EFR3B: variants seen among roughly 807,000 people sequenced by gnomAD.
EFR3B encodes protein EFR3 homolog B.
A neutral mutation model predicts 104.7 loss-of-function variants in EFR3B; 64 were observed. The ratio of observed to expected loss-of-function variants is 0.61; its 90% CI spans 0.50 to 0.75. The LOEUF (loss-of-function observed/expected upper bound fraction) is 0.75. EFR3B is among the 30% of genes least tolerant of loss of function. The probability of loss-of-function intolerance (pLI) is 0.00; values close to 1 mark genes in which losing one functional copy is unlikely to be tolerated. For missense variants in EFR3B, 750 were observed against 1,078.5 expected (o/e 0.70, Z 4.27); for synonymous variants, 385 against 417.9 (o/e 0.92, Z 0.96).
At chr2:25,141,232 C>T in intron 16 of EFR3B, 134 bp from the exon 17 acceptor site, 2 of 887,534 alleles carry the variant, frequency 2.3e-6, no homozygotes, top group Non-Finnish European at 1.6e-6. Flanking sequence ...CACTGAAAAG[C>T]TCAGCTGAGG....
chr2:25,138,952 G>A, intron 15 of EFR3B, 107 bp from the exon 16 acceptor site: 6 of 1,448,986 alleles, frequency 4.1e-6, no homozygotes, highest in Middle Eastern at 1.9e-4. Context: ...CTTAGTCTAG[G>A]AAAGCAAGCA....
At chr2:25,110,637 AAC>A (rs577690455) in intron 4 of EFR3B, among the ~76,000 whole-genome samples, 29 of 152,244 alleles carry the variant, frequency 1.9e-4, no homozygotes, top group Non-Finnish European at 3.4e-4. Flanking sequence ...CCTCAATCTA[AAC>A]ACAAGTTCAA....
intron 4 of EFR3B, among the ~76,000 whole-genome samples, chr2:25,107,760 C>T (rs2149193755): frequency 6.6e-6 from 1 of 152,006 alleles, no homozygotes; most frequent in South Asian, 2.1e-4. Context: ...GCTAATACCA[C>T]TCCTGTACAG....
At position 25,042,544 on chromosome 2, in the gene EFR3B, G is replaced by A. The variant is rs926607552; in HGVS notation, c.7+225G>A. On this transcript the variant is annotated intron_variant, in intron 1 of 22. Transcript: ENST00000403714. This position sits in a 1 kb window ranked among gnomAD's most constrained non-coding sequence, Gnocchi z 5.4. The stretch of plus-strand genomic sequence containing the variant: ...TCCTCTCCAGGCCCGGCGCGTGCCG[G>A]TGCTGGGCGGTGGTCCTTCGGGGGG... 53 of 1,206,252 alleles carry A rather than the reference G, an allele frequency of 4.4e-5. No homozygotes were observed. The highest frequency in any genetic ancestry group is 3.2e-4 in the Middle Eastern group (1 of 3,094). 74.7% of individuals were successfully genotyped at this position (1,206,252 alleles called of 1,614,324 possible).
At chr2:25,133,318 G>C (rs1670433339) in intron 11 of EFR3B, 65 bp from the exon 12 acceptor site, 1 of 1,490,296 alleles carries the variant, frequency 6.7e-7, no homozygotes, top group African/African-American at 1.4e-5. Context: ...GTAGAACTAA[G>C]CTGGCAAGTG....
chr2:25,155,272 G>A lies in EFR3B; in HGVS notation c.*932G>A, dbSNP rs1397407472. 4 of 152,346 alleles carry A rather than the reference G, an allele frequency of 2.6e-5. No individual in the cohort carries two copies. The East Asian group carries it at 7.7e-4, about 29-fold the overall frequency. The allele number at this position is 152,346 out of a possible 1,614,324, so 9.4% of individuals were successfully genotyped here. A position where few individuals can be genotyped will look rare whatever the true frequency, so the allele number is the denominator to read the frequency against. ...AAAGGCTCCCAGCCTGACCTGGGTT[G>A]TAGGAGAGTGGGGAGGGTGGGATGA... On this transcript the variant is annotated 3_prime_UTR_variant, in exon 23 of 23. Coordinates refer to ENST00000403714, the MANE Select transcript of EFR3B (RefSeq NM_014971.2).
intron 4 of EFR3B, among the ~76,000 whole-genome samples, chr2:25,115,038 G>A (rs1449404332): frequency 1.3e-5 from 2 of 152,088 alleles, no homozygotes; most frequent in East Asian, 1.9e-4. Flanking sequence ...AAAATTAGCC[G>A]GACATTGTGG....
chr2:25,087,698 C>T (rs1205419942), intron 1 of EFR3B, among the ~76,000 whole-genome samples: 1 of 152,142 alleles, frequency 6.6e-6, no homozygotes. Context: ...GTCTCGAACT[C>T]CTGACCTCGA....
At chr2:25,082,297 G>A (rs1169791594) in intron 1 of EFR3B, among the ~76,000 whole-genome samples, 1 of 152,228 alleles carries the variant, frequency 6.6e-6, no homozygotes, top group African/African-American at 2.4e-5. Flanking sequence ...AGCCAGCTAA[G>A]GGGGTTGGGG....
At chr2:25,047,533 C>G (rs1285557248) in intron 1 of EFR3B, among the ~76,000 whole-genome samples, 1 of 152,118 alleles carries the variant, frequency 6.6e-6, no homozygotes, top group South Asian at 2.1e-4. Context: ...CAGTCTCACT[C>G]TGTTGCCCAG....
intron 1 of EFR3B, among the ~76,000 whole-genome samples, chr2:25,054,819 C>T (rs1360710638): frequency 2.0e-5 from 3 of 152,162 alleles, no homozygotes; most frequent in Non-Finnish European, 4.4e-5. Context: ...TGAGAGGGGA[C>T]AACCATGAAC....
At chr2:25,087,251 G>C (rs865777380) in intron 1 of EFR3B, among the ~76,000 whole-genome samples, 3 of 151,836 alleles carry the variant, frequency 2.0e-5, no homozygotes, top group Non-Finnish European at 1.5e-5. Flanking sequence ...TGACACGTGG[G>C]GATTATGAGA....
chr2:25,069,068 C>A (rs1223968118), intron 1 of EFR3B, among the ~76,000 whole-genome samples: 1 of 151,674 alleles, frequency 6.6e-6, no homozygotes, highest in Non-Finnish European at 1.5e-5. Context: ...CCACCACACC[C>A]AGCTAATTTT....
chr2:25,067,707 ATGTT>A (rs1471591984), intron 1 of EFR3B, among the ~76,000 whole-genome samples: 1 of 152,022 alleles, frequency 6.6e-6, no homozygotes, highest in African/African-American at 2.4e-5. Context: ...AATTAACAGT[ATGTT>A]TGAGAGCTGT....
rs1208109375 is a variant in EFR3B, at chr2:25,157,157, T to G, written c.*2817T>G. 6.6e-6 allele frequency: 1 copy of G among 152,244 alleles called. No individual in the cohort carries two copies. Among genetic ancestry groups the G allele is most frequent in the East Asian group, 1.9e-4 (1 of 5,204 alleles). 9.4% of individuals were successfully genotyped at this position (152,244 alleles called of 1,614,324 possible). ...TCCACCGGTCCCAGGCAGCTTTTCC[T>G]TTCCATCACTGCCGCTTAGCAAAAA... On this transcript the variant is annotated 3_prime_UTR_variant, in exon 23 of 23. Transcript: ENST00000403714.
intron 1 of EFR3B, among the ~76,000 whole-genome samples, chr2:25,047,304 C>G (rs1284217637): frequency 2.0e-5 from 3 of 152,064 alleles, no homozygotes; most frequent in African/African-American, 7.2e-5. Flanking sequence ...AAGAACCCCA[C>G]AGCCTGGGTC....
rs1670363902 is a variant in EFR3B, at chr2:25,132,196, G to C, written c.1147+285G>C. Among the ~76,000 whole-genome samples the C allele has an allele frequency of 5.9e-5, 9 of 152,326 alleles. No homozygotes were observed. In the South Asian group the frequency reaches 1.9e-3, roughly 32 times the overall value. Reference sequence around the variant, plus strand: ...ACGGACCTCGGAGAGAATGAAGTCGGGAAATGAAAGGACTGGCTGGGCAGG... The same window carrying C: ...ACGGACCTCGGAGAGAATGAAGTCGCGAAATGAAAGGACTGGCTGGGCAGG... On this transcript the variant is annotated intron_variant, in intron 10 of 22. Transcript: ENST00000403714.
At chr2:25,060,935 CA>C (rs113980964) in intron 1 of EFR3B, among the ~76,000 whole-genome samples, 120 of 894 alleles carry the variant, frequency 0.13, no homozygotes, top group Non-Finnish European at 0.19. Context: ...AACAAACAAA[CA>C]AACAACAACA....
rs1489639508 is a variant in EFR3B, at chr2:25,136,853, T to G, written c.1560+255T>G. 6.6e-6 allele frequency among the ~76,000 whole-genome samples: 1 copy of G among 152,084 alleles called. No homozygotes were observed. The highest frequency in any genetic ancestry group is 1.5e-5 in the Non-Finnish European group (1 of 68,008). On this transcript the variant is annotated intron_variant, in intron 14 of 22. Coordinates refer to ENST00000403714, the MANE Select transcript of EFR3B (RefSeq NM_014971.2). This position sits in a 1 kb window ranked among gnomAD's most constrained non-coding sequence, Gnocchi z 4.0. ...ATCGCTTGAACCCAGAAGGTGGAGG[T>G]TGCAGTGAACCGAGATTGTGCCAAT...
Sources: gnomAD v4.1 joint callset for allele counts (sites outside exome capture counted in the v4.1 genomes callset) on GRCh38, gnomAD v4.1.1 for gene constraint, Gnocchi (gnomAD v3.1) non-coding constraint, MANE v1.5 for transcripts, NCBI Gene and HGNC (gene_info 2026-07-23, HGNC 2026-07-21) for gene names.